XPR1: variants seen among roughly 807,000 people sequenced by gnomAD.
XPR1 encodes the protein solute carrier family 53 member 1.
In XPR1, 28 loss-of-function variants were observed where a neutral mutation model predicts 87.5. That is an observed-to-expected ratio of 0.32 (90% CI 0.24 to 0.44). XPR1 has a LOEUF of 0.44. XPR1 is among the 20% of genes least tolerant of loss of function. The pLI is 1.00. For missense variants in XPR1, 559 were observed against 862.3 expected (o/e 0.65, Z 4.41); for synonymous variants, 300 against 306.1 (o/e 0.98, Z 0.21).
At chr1:180,657,694 T>C (rs1276182890) in intron 1 of XPR1, among the ~76,000 whole-genome samples, 3 of 152,192 alleles carry the variant, frequency 2.0e-5, no homozygotes, top group African/African-American at 7.2e-5. Flanking sequence ...TCACTATAGC[T>C]CTGTAGTATA....
At chr1:180,880,371 G>T in intron 14 of XPR1, 74 bp downstream of exon 14, 1 of 1,551,214 alleles carries the variant, frequency 6.4e-7, no homozygotes, top group Non-Finnish European at 8.8e-7. Context: ...AAGCTAAAAA[G>T]CTATCAGGTT....
intron 1 of XPR1, among the ~76,000 whole-genome samples, chr1:180,644,301 G>A (rs764911004): frequency 8.5e-5 from 13 of 152,112 alleles, no homozygotes; most frequent in Non-Finnish European, 1.9e-4. Context: ...CAGGTCCTCG[G>A]GTAGGGGTGT....
At chr1:180,852,639 C>T (rs1441058206) in intron 11 of XPR1, among the ~76,000 whole-genome samples, 1 of 152,162 alleles carries the variant, frequency 6.6e-6, no homozygotes, top group Non-Finnish European at 1.5e-5. Flanking sequence ...GCCTTGACCT[C>T]TTGGGCTCAT....
At position 180,806,629 on chromosome 1, in the gene XPR1, A is replaced by G. The variant is rs545030201; in HGVS notation, c.681+72A>G. On this transcript the variant is annotated intron_variant, in intron 6 of 14. Transcript: ENST00000367590. ...ATCAACACAGTATTTAGCTGGCCCC[A>G]TTATCTTAAAAAAATTTTCAGCCAA... 41 of 1,379,030 alleles carry G rather than the reference A, an allele frequency of 3.0e-5. No homozygotes were observed. The African/African-American group carries it at 5.4e-4, about 18-fold the overall frequency. 85.4% of individuals were successfully genotyped at this position (1,379,030 alleles called of 1,614,324 possible).
intron 2 of XPR1, among the ~76,000 whole-genome samples, chr1:180,765,217 G>T (rs1216070494): frequency 1.3e-5 from 2 of 152,176 alleles, no homozygotes; most frequent in African/African-American, 4.8e-5. Flanking sequence ...CTCAGTGAAT[G>T]GAAGAGCTAG....
intron 2 of XPR1, among the ~76,000 whole-genome samples, chr1:180,707,797 A>G (rs1363426274): frequency 6.6e-6 from 1 of 152,154 alleles, no homozygotes; most frequent in African/African-American, 2.4e-5. Flanking sequence ...TTTAACTTTT[A>G]TTTCTTAGTA....
At position 180,873,907 on chromosome 1, in the gene XPR1, C is replaced by G; in HGVS notation, c.1773C>G (p.Ile591Met). ...CTTTGTTGCCTCATTCTGGGGACAT[C>G]ATTGCTACTGTCTTTGCCCCACTTG... ...STTLLPHSGD[I>M]IATVFAPLEV... is the part of the protein sequence containing the mutation. Residue 591 changes from isoleucine to methionine, a missense_variant, in exon 13 of 15, where the codon ATC becomes ATG. Ile to Met is a conservative substitution (Grantham distance 10). Transcript: ENST00000367590. 6.2e-7 allele frequency: 1 copy of G among 1,614,134 alleles called. No homozygotes were observed. Among genetic ancestry groups the G allele is most frequent in the Non-Finnish European group, 8.5e-7 (1 of 1,180,010 alleles).
At chr1:180,663,544 C>G (rs901838729) in intron 1 of XPR1, among the ~76,000 whole-genome samples, 2 of 152,172 alleles carry the variant, frequency 1.3e-5, no homozygotes, top group East Asian at 3.9e-4. Flanking sequence ...ATGGGTGACT[C>G]AAGCACCCCT....
intron 2 of XPR1, among the ~76,000 whole-genome samples, chr1:180,756,776 A>G (rs1396945264): frequency 1.3e-5 from 2 of 152,188 alleles, no homozygotes; most frequent in South Asian, 2.1e-4. Context: ...GATACTTAGT[A>G]ATGAAAACGA....
chr1:180,842,369 G>A (rs2102178410), intron 11 of XPR1, among the ~76,000 whole-genome samples: 1 of 152,202 alleles, frequency 6.6e-6, no homozygotes, highest in South Asian at 2.1e-4. Context: ...TCATTTTTTG[G>A]AAAGTAAGGG....
chr1:180,726,069 T>C (rs551428739), intron 2 of XPR1, among the ~76,000 whole-genome samples: 25 of 152,198 alleles, frequency 1.6e-4, no homozygotes, highest in Non-Finnish European at 2.4e-4. Context: ...CTTTTCTGTC[T>C]AGCTAGAGGA....
chr1:180,754,568 C>T (rs147201414), intron 2 of XPR1, among the ~76,000 whole-genome samples: 2 of 152,026 alleles, frequency 1.3e-5, no homozygotes, highest in African/African-American at 2.4e-5. Flanking sequence ...TCAATCAATC[C>T]GCCCACCTAG....
At chr1:180,659,163 T>G (rs1204570268) in intron 1 of XPR1, among the ~76,000 whole-genome samples, 1 of 123,740 alleles carries the variant, frequency 8.1e-6, no homozygotes, top group Non-Finnish European at 1.7e-5. Context: ...TTCCCATCAG[T>G]GTTCACTAGG....
intron 6 of XPR1, among the ~76,000 whole-genome samples, chr1:180,808,141 G>T (rs886523388): frequency 1.3e-5 from 2 of 152,154 alleles, no homozygotes; most frequent in African/African-American, 4.8e-5. Context: ...GTCATGGTAG[G>T]CAAATGATCA....
chr1:180,834,851 T>G (rs752921174), intron 9 of XPR1, 23 bp from the exon 10 acceptor site: 65 of 1,589,706 alleles, frequency 4.1e-5, no homozygotes, highest in Non-Finnish European at 5.5e-5. Context: ...TTTCTGTGTT[T>G]TCTGATTTTT....
intron 2 of XPR1, among the ~76,000 whole-genome samples, chr1:180,782,464 C>T (rs1648977709): frequency 6.6e-6 from 1 of 151,972 alleles, no homozygotes; most frequent in Non-Finnish European, 1.5e-5. Flanking sequence ...GCAAGCATTT[C>T]CCCAAACATG....
At chr1:180,774,369 AT>A (rs1648628052) in intron 2 of XPR1, among the ~76,000 whole-genome samples, 1 of 151,026 alleles carries the variant, frequency 6.6e-6, no homozygotes, top group Non-Finnish European at 1.5e-5. Context: ...AAAAAAAGAA[AT>A]CTGTCTTTCC....
At chr1:180,838,268 C>T (rs1468626543) in intron 11 of XPR1, among the ~76,000 whole-genome samples, 2 of 152,186 alleles carry the variant, frequency 1.3e-5, no homozygotes, top group Non-Finnish European at 2.9e-5. Flanking sequence ...AGTGGATTAT[C>T]ATGAAGGTCA....
intron 3 of XPR1, among the ~76,000 whole-genome samples, chr1:180,792,118 C>T (rs1649410866): frequency 6.6e-6 from 1 of 152,126 alleles, no homozygotes; most frequent in Admixed American, 6.6e-5. Context: ...ATTTAGCCAC[C>T]TTCTCCCCAG....
Sources: allele counts gnomAD v4.1 joint callset (sites outside exome capture counted in the v4.1 genomes callset), GRCh38; gene constraint gnomAD v4.1.1; transcripts MANE v1.5; gene names NCBI Gene and HGNC (gene_info 2026-07-23, HGNC 2026-07-21).